Variants in ESRRG observed in about 807,000 individuals in gnomAD.
ESRRG encodes estrogen-related receptor gamma.
ESRRG carries 13 observed loss-of-function variants against 44.0 expected under a neutral mutation model. That is an observed-to-expected ratio of 0.30 (90% CI 0.19 to 0.47). The LOEUF is 0.47. Among genes scored for constraint, ESRRG ranks in the 20% least tolerant of loss-of-function variants. The probability of loss-of-function intolerance (pLI) is 1.00; values close to 1 mark genes in which losing one functional copy is unlikely to be tolerated. For synonymous variants in ESRRG, 215 were observed against 214.6 expected (o/e 1.00, Z -0.02); for missense variants, 395 against 580.6 (o/e 0.68, Z 3.29).
At chr1:216,969,605 G>A (rs1158533611) in intron 1 of ESRRG, among the ~76,000 whole-genome samples, 1 of 151,998 alleles carries the variant, frequency 6.6e-6, no homozygotes, top group Admixed American at 6.6e-5. Context: ...CCTTTTTTGA[G>A]ACGGAGTTTC....
intron 1 of ESRRG, among the ~76,000 whole-genome samples, chr1:216,970,055 C>A (rs2071324384): frequency 6.6e-6 from 1 of 152,104 alleles, no homozygotes; most frequent in African/African-American, 2.4e-5. Context: ...TCAAATTTCT[C>A]CCTTCCTCCC....
intron 3 of ESRRG, among the ~76,000 whole-genome samples, chr1:216,577,777 TA>T (rs1007130187): frequency 3.3e-5 from 5 of 151,468 alleles, no homozygotes; most frequent in South Asian, 2.1e-4. Flanking sequence ...TAGATTTTTT[TA>T]AAAAAAAAGG....
At chr1:216,816,463 T>A (rs1214185239) in intron 2 of ESRRG, among the ~76,000 whole-genome samples, 1 of 152,214 alleles carries the variant, frequency 6.6e-6, no homozygotes, top group Non-Finnish European at 1.5e-5. Flanking sequence ...CATTCCATGA[T>A]GTTGGTTAAA....
At chr1:216,653,824 A>G (rs1266908425) in intron 2 of ESRRG, among the ~76,000 whole-genome samples, 1 of 152,028 alleles carries the variant, frequency 6.6e-6, no homozygotes, top group Non-Finnish European at 1.5e-5. Flanking sequence ...CAGTATAAAA[A>G]CCATCCAAGC....
intron 1 of ESRRG, among the ~76,000 whole-genome samples, chr1:216,682,481 C>T (rs1356616624): frequency 2.0e-5 from 3 of 152,070 alleles, no homozygotes; most frequent in Non-Finnish European, 4.4e-5. Context: ...TCCAAGTTTA[C>T]ATACAAATAC....
At chr1:217,109,669 T>A (rs1287611805) in intron 1 of ESRRG, among the ~76,000 whole-genome samples, 1 of 152,124 alleles carries the variant, frequency 6.6e-6, no homozygotes, top group African/African-American at 2.4e-5. Context: ...GAGGTTGCCT[T>A]CACCTGCCCC....
intron 2 of ESRRG, among the ~76,000 whole-genome samples, chr1:216,892,161 A>C (rs375335230): frequency 2.6e-5 from 4 of 152,274 alleles, no homozygotes; most frequent in African/African-American, 9.6e-5. Flanking sequence ...ATTTGAAGTT[A>C]TATAATGAAT....
rs138685555 is a variant in ESRRG at position 216,664,126 on chromosome 1, C to T, written c.472+12950G>A. On this transcript the variant is annotated intron_variant, in intron 2 of 6. Coordinates refer to ENST00000408911, the MANE Select transcript of ESRRG (RefSeq NM_001438.4). ...TATTTTAATAACTTAAATGATTTTGCCCATGGATTAAAATTCTCTCAAGAA... is the reference window on the plus strand; with the variant it reads ...TATTTTAATAACTTAAATGATTTTGTCCATGGATTAAAATTCTCTCAAGAA... Among the ~76,000 whole-genome samples the T allele has an allele frequency of 6.1e-4, 93 of 152,084 alleles. 1 individual carries two copies. Among genetic ancestry groups the T allele is most frequent in the African/African-American group, 2.2e-3 (91 of 41,510 alleles).
At chr1:216,868,501 A>AGTT (rs1360382274) in intron 2 of ESRRG, among the ~76,000 whole-genome samples, 1 of 152,202 alleles carries the variant, frequency 6.6e-6, no homozygotes, top group East Asian at 1.9e-4. Context: ...AGTTTTGGAC[A>AGTT]GTTACAAATA....
At chr1:216,570,381 CTTTG>C (rs1270373735) in intron 3 of ESRRG, among the ~76,000 whole-genome samples, 1 of 152,082 alleles carries the variant, frequency 6.6e-6, no homozygotes, top group Non-Finnish European at 1.5e-5. Flanking sequence ...AGATGTATTC[CTTTG>C]TTTATCTAAT....
intron 2 of ESRRG, among the ~76,000 whole-genome samples, chr1:216,915,693 C>G (rs1056914111): frequency 6.6e-6 from 1 of 152,228 alleles, no homozygotes; most frequent in Non-Finnish European, 1.5e-5. Context: ...CTACTGAAGA[C>G]AGTCTCCCGA....
At chr1:216,584,996 T>TA (rs2063496812) in intron 3 of ESRRG, among the ~76,000 whole-genome samples, 1 of 152,186 alleles carries the variant, frequency 6.6e-6, no homozygotes, top group African/African-American at 2.4e-5. Flanking sequence ...AAGAATGAAA[T>TA]AAAAATAGCT....
At chr1:216,790,528 A>T (rs1056932682) in intron 2 of ESRRG, among the ~76,000 whole-genome samples, 46 of 152,288 alleles carry the variant, frequency 3.0e-4, no homozygotes, top group African/African-American at 1.1e-3. Flanking sequence ...ACTTGAGATG[A>T]ATCTTAGTAA....
intron 1 of ESRRG, among the ~76,000 whole-genome samples, chr1:216,717,707 C>G (rs1350563508): frequency 1.3e-5 from 2 of 151,678 alleles, no homozygotes; most frequent in Non-Finnish European, 3.0e-5. Context: ...CTAAACTTAC[C>G]TCTTAGAATA....
chr1:217,060,779 T>C (rs954184045), intron 1 of ESRRG, among the ~76,000 whole-genome samples: 4 of 94,626 alleles, frequency 4.2e-5, no homozygotes, highest in Non-Finnish European at 7.6e-5. Flanking sequence ...ATCAAAATGA[T>C]ATTGAACACT....
chr1:216,693,754 C>A (rs2079561243), intron 1 of ESRRG, among the ~76,000 whole-genome samples: 1 of 152,120 alleles, frequency 6.6e-6, no homozygotes, highest in African/African-American at 2.4e-5. Flanking sequence ...TTGGTCAAAT[C>A]CACAGATGCA....
At chr1:216,508,172 A>G (rs2041711728) in intron 6 of ESRRG, among the ~76,000 whole-genome samples, 1 of 152,248 alleles carries the variant, frequency 6.6e-6, no homozygotes, top group Non-Finnish European at 1.5e-5. Context: ...CAATTCAAAC[A>G]TAGATCACAT....
intron 5 of ESRRG, among the ~76,000 whole-genome samples, chr1:216,521,515 AG>A (rs2046076608): frequency 6.6e-6 from 1 of 151,916 alleles, no homozygotes; most frequent in African/African-American, 2.4e-5. Context: ...AATTTGCCTT[AG>A]TTTTCTTGTT....
intron 1 of ESRRG, among the ~76,000 whole-genome samples, chr1:216,709,264 T>A (rs2083091127): frequency 6.6e-6 from 1 of 151,798 alleles, no homozygotes; most frequent in Non-Finnish European, 1.5e-5. Context: ...TGCAAAAAGC[T>A]TACATTTGCA....
Sources: gnomAD v4.1 joint callset for allele counts (sites outside exome capture counted in the v4.1 genomes callset) on GRCh38, gnomAD v4.1.1 for gene constraint, MANE v1.5 for transcripts, NCBI Gene and HGNC (gene_info 2026-07-23, HGNC 2026-07-21) for gene names.